Variants in L3MBTL3 observed in about 807,000 individuals in gnomAD.
The protein encoded by L3MBTL3 is L3MBTL histone methyl-lysine binding protein 3.
A neutral mutation model predicts 102.3 loss-of-function variants in L3MBTL3; 27 were observed. The observed-to-expected ratio is 0.26, with a 90% CI of 0.19 to 0.36. The LOEUF is 0.36. Among genes scored for constraint, L3MBTL3 ranks in the 10% least tolerant of loss-of-function variants. The pLI is 1.00. For missense variants in L3MBTL3, 798 were observed against 955.3 expected (o/e 0.84, Z 2.17); for synonymous variants, 340 against 320.9 (o/e 1.06, Z -0.64).
At chr6:130,031,462 C>G (rs1008351228) in intron 2 of L3MBTL3, among the ~76,000 whole-genome samples, 5 of 152,242 alleles carry the variant, frequency 3.3e-5, no homozygotes, top group African/African-American at 1.2e-4. Context: ...GGACAGCACT[C>G]CACAGATGGT....
intron 22 of L3MBTL3, among the ~76,000 whole-genome samples, chr6:130,135,344 G>A (rs1013171792): frequency 7.2e-5 from 11 of 152,078 alleles, no homozygotes; most frequent in Non-Finnish European, 1.3e-4. Flanking sequence ...GATTACAGAC[G>A]TGAGCCACCG....
chr6:130,072,871 A>G (rs1230433102), intron 13 of L3MBTL3, among the ~76,000 whole-genome samples: 1 of 152,208 alleles, frequency 6.6e-6, no homozygotes, highest in African/African-American at 2.4e-5. Flanking sequence ...TTTTAGGTCC[A>G]ATAAGGTGTA....
intron 2 of L3MBTL3, among the ~76,000 whole-genome samples, chr6:130,038,825 G>A (rs1780226375): frequency 6.6e-6 from 1 of 151,968 alleles, no homozygotes; most frequent in African/African-American, 2.4e-5. Flanking sequence ...TTTGAGGTCT[G>A]TAAAATCTGA....
chr6:130,052,655 C>T (rs962352066), intron 6 of L3MBTL3, among the ~76,000 whole-genome samples: 1 of 152,112 alleles, frequency 6.6e-6, no homozygotes, highest in African/African-American at 2.4e-5. Context: ...CATTTTCTGC[C>T]CTGACAGACA....
chr6:130,067,015 A>T (rs1782302003), intron 11 of L3MBTL3, among the ~76,000 whole-genome samples: 1 of 152,196 alleles, frequency 6.6e-6, no homozygotes, highest in African/African-American at 2.4e-5. Flanking sequence ...CTTATATTTG[A>T]GTACTTTATA....
intron 3 of L3MBTL3, 126 bp downstream of exon 3, chr6:130,042,927 G>T: frequency 1.7e-6 from 1 of 576,874 alleles, no homozygotes; most frequent in Non-Finnish European, 3.1e-6. Flanking sequence ...TTTAGATGAT[G>T]CTTAGACCTC....
In L3MBTL3 at chr6:130,092,734, G is replaced by C. The variant is rs538800906; in HGVS notation, c.1519-11G>C. Reference sequence around the variant, plus strand: ...CTTAATTTGTACTGTTAATGTCCTTGTGTCATCCAGGTTCACTTTGATGGC... The same window carrying C: ...CTTAATTTGTACTGTTAATGTCCTTCTGTCATCCAGGTTCACTTTGATGGC... On this transcript the variant is annotated splice_polypyrimidine_tract_variant and intron_variant, in intron 16 of 22. Transcript: ENST00000361794. 6.5e-7 allele frequency: 1 copy of C among 1,548,264 alleles called. No individual in the cohort carries two copies. Among genetic ancestry groups the C allele is most frequent in the African/African-American group, 1.4e-5 (1 of 73,606 alleles).
At chr6:130,104,666 G>A in intron 19 of L3MBTL3, 91 bp downstream of exon 19, 2 of 958,072 alleles carry the variant, frequency 2.1e-6, no homozygotes, top group African/African-American at 3.4e-5. Flanking sequence ...CTATAGCAAT[G>A]TTTTCTTGGA....
chr6:130,133,433 A>G lies in L3MBTL3; in HGVS notation c.1967-19A>G, dbSNP rs541058403. ...TGCTGCTTTCAGAGAGTGATTTCCC[A>G]TTTGTTTTCATTGACCAGGTGCCCG... On this transcript the variant is annotated intron_variant, in intron 20 of 22. Coordinates refer to ENST00000361794, the MANE Select transcript of L3MBTL3 (RefSeq NM_032438.4). The surrounding 1 kb of genome is among the most constrained non-coding windows in gnomAD (Gnocchi z 4.9). The G allele has an allele frequency of 1.9e-5, 31 of 1,611,130 alleles. No homozygotes were observed. The highest frequency in any genetic ancestry group is 1.3e-4 in the African/African-American group (10 of 74,818).
intron 19 of L3MBTL3, among the ~76,000 whole-genome samples, chr6:130,114,970 T>C (rs1785569965): frequency 6.6e-6 from 1 of 152,034 alleles, no homozygotes; most frequent in Non-Finnish European, 1.5e-5. Context: ...TTTTAAACTT[T>C]CTTTAGAGAA....
At chr6:130,102,043 C>T (rs533568060) in intron 18 of L3MBTL3, among the ~76,000 whole-genome samples, 1 of 152,116 alleles carries the variant, frequency 6.6e-6, no homozygotes, top group East Asian at 1.9e-4. Flanking sequence ...TAAACAAATT[C>T]CACAATTTCT....
At chr6:130,029,842 C>T (rs966547728) in intron 2 of L3MBTL3, among the ~76,000 whole-genome samples, 3 of 152,070 alleles carry the variant, frequency 2.0e-5, no homozygotes, top group African/African-American at 7.2e-5. Context: ...CTTTTTGAGA[C>T]AGAGTCTCAG....
intron 19 of L3MBTL3, among the ~76,000 whole-genome samples, chr6:130,110,006 G>A (rs1440505958): frequency 6.6e-6 from 1 of 152,120 alleles, no homozygotes; most frequent in Non-Finnish European, 1.5e-5. Flanking sequence ...TTAGATAGTT[G>A]TACATGTGTG....
intron 19 of L3MBTL3, among the ~76,000 whole-genome samples, chr6:130,106,484 G>A (rs189992025): frequency 6.6e-6 from 1 of 152,288 alleles, no homozygotes; most frequent in East Asian, 1.9e-4. Flanking sequence ...CACTGTATAT[G>A]TGCAAAGCAG....
chr6:130,077,340 T>C (rs1182217194), intron 13 of L3MBTL3, among the ~76,000 whole-genome samples: 2 of 152,184 alleles, frequency 1.3e-5, no homozygotes, highest in Non-Finnish European at 2.9e-5. Flanking sequence ...AAATATGTAT[T>C]GTAAAAAATA....
At chr6:130,035,595 G>A (rs1354795926) in intron 2 of L3MBTL3, among the ~76,000 whole-genome samples, 1 of 152,218 alleles carries the variant, frequency 6.6e-6, no homozygotes, top group Non-Finnish European at 1.5e-5. Context: ...AGCAGTAATG[G>A]TCTCGGTCTT....
At chr6:130,128,466 G>C (rs1174464077) in intron 20 of L3MBTL3, among the ~76,000 whole-genome samples, 1 of 152,134 alleles carries the variant, frequency 6.6e-6, no homozygotes, top group Non-Finnish European at 1.5e-5. Context: ...CATATTGGGG[G>C]AGTGGTGGTG....
At chr6:130,126,022 G>A (rs1032937568) in intron 20 of L3MBTL3, among the ~76,000 whole-genome samples, 1 of 142,558 alleles carries the variant, frequency 7.0e-6, no homozygotes, top group Non-Finnish European at 1.5e-5. Flanking sequence ...GATGAATCCT[G>A]CTATGCTACT....
In L3MBTL3 at chr6:130,092,798, T is replaced by C. The variant is rs974891991; in HGVS notation, c.1572T>C (p.Ser524=). The change falls in exon 17 of 23, where the codon TCT becomes TCC. Residue 524 remains serine (S), a synonymous_variant. Coordinates refer to ENST00000361794, the MANE Select transcript of L3MBTL3 (RefSeq NM_032438.4). The part of the protein sequence containing the change: ...NCYDYWIDAD[S]PDIHPVGWCS... ...ATGATTACTGGATAGATGCAGATTC[T>C]CCTGATATTCACCCTGTAGGCTGGT... 2 of 1,613,410 alleles carry C rather than the reference T, an allele frequency of 1.2e-6. No homozygotes were observed. The highest frequency in any genetic ancestry group is 2.7e-5 in the African/African-American group (2 of 74,908).
Sources: gnomAD v4.1 joint callset for allele counts (sites outside exome capture counted in the v4.1 genomes callset) on GRCh38, gnomAD v4.1.1 for gene constraint, Gnocchi (gnomAD v3.1) non-coding constraint, MANE v1.5 for transcripts, NCBI Gene and HGNC (gene_info 2026-07-23, HGNC 2026-07-21) for gene names.